ANKFN1: variants seen among roughly 807,000 people sequenced by gnomAD.
The protein encoded by ANKFN1 is ankyrin repeat and fibronectin type-III domain-containing protein 1.
In ANKFN1, 74 loss-of-function variants were observed where a neutral mutation model predicts 108.7. The observed-to-expected ratio is 0.68, with a 90% CI of 0.56 to 0.83. ANKFN1 has a LOEUF of 0.83. Ranked by LOEUF, ANKFN1 falls within the 40% of genes least tolerant of loss-of-function variation. The pLI, the probability that ANKFN1 is intolerant of heterozygous loss-of-function variation, is 0.00. For missense variants in ANKFN1, 1,505 were observed against 1,382.3 expected, an observed-to-expected ratio of 1.09 and a Z score of -1.41; for synonymous variants, 547 against 516.2, an observed-to-expected ratio of 1.06 and a Z score of -0.81.
chr17:56,047,999 CCT>C (rs1441426649), intron 4 of ANKFN1, among the ~76,000 whole-genome samples: 2 of 152,190 alleles, frequency 1.3e-5, no homozygotes, highest in East Asian at 3.8e-4. Context: ...CCCTTTAGCA[CCT>C]CTGATTTTTC....
intron 1 of ANKFN1, among the ~76,000 whole-genome samples, chr17:56,176,591 T>C (rs1911180221): frequency 6.6e-6 from 1 of 152,182 alleles, no homozygotes; most frequent in African/African-American, 2.4e-5. Flanking sequence ...TGATCCCTTA[T>C]TTCGAATATC....
intron 6 of ANKFN1, among the ~76,000 whole-genome samples, chr17:56,360,002 G>A (rs898734544): frequency 2.6e-5 from 4 of 152,128 alleles, no homozygotes; most frequent in Non-Finnish European, 5.9e-5. Context: ...CACCCTCTGT[G>A]TTCACCAGAC....
intron 3 of ANKFN1, among the ~76,000 whole-genome samples, chr17:56,299,586 T>C (rs2044615149): frequency 6.6e-6 from 1 of 152,198 alleles, no homozygotes; most frequent in Admixed American, 6.5e-5. Context: ...CAGGTGTCTC[T>C]AACATCAATC....
chr17:56,333,002 T>TATATATATA (rs2045707564), intron 4 of ANKFN1, among the ~76,000 whole-genome samples: 1 of 151,192 alleles, frequency 6.6e-6, no homozygotes, highest in African/African-American at 2.4e-5. Context: ...TATATATATC[T>TATATATATA]TCTTTAATTT....
intron 8 of ANKFN1, among the ~76,000 whole-genome samples, chr17:56,434,968 G>A (rs1034317829): frequency 6.6e-6 from 1 of 152,128 alleles, no homozygotes. Context: ...TGGTTCCATC[G>A]AAGAGCTGAT....
At chr17:56,400,220 C>T (rs1424543154) in intron 8 of ANKFN1, among the ~76,000 whole-genome samples, 2 of 151,978 alleles carry the variant, frequency 1.3e-5, no homozygotes, top group African/African-American at 4.8e-5. Context: ...GAAATGTTCC[C>T]TGATCACTGC....
intron 8 of ANKFN1, among the ~76,000 whole-genome samples, chr17:56,420,683 C>CTTTTTTTT (rs755355387): frequency 1.7e-5 from 2 of 119,596 alleles, no homozygotes; most frequent in Non-Finnish European, 1.8e-5. Context: ...CTGACTCCTT[C>CTTTTTTTT]TTTTTTTTTT....
intron 4 of ANKFN1, among the ~76,000 whole-genome samples, chr17:56,118,942 AG>A (rs1314448543): frequency 6.6e-6 from 1 of 152,178 alleles, no homozygotes; most frequent in Non-Finnish European, 1.5e-5. Context: ...ATGCACAAAA[AG>A]GTTTCCAGTT....
At chr17:56,437,976 GT>G (rs1377033002) in intron 8 of ANKFN1, among the ~76,000 whole-genome samples, 6 of 137,276 alleles carry the variant, frequency 4.4e-5, no homozygotes, top group East Asian at 1.9e-4. Context: ...TACTGTAGGT[GT>G]GTGTGTGTGT....
chr17:56,512,174 G>C lies in ANKFN1; in HGVS notation c.*905G>C, dbSNP rs145058653. Among the ~76,000 whole-genome samples the C allele has an allele frequency of 1.6e-3, 238 of 152,258 alleles. No individual in the cohort carries two copies. The highest frequency in any genetic ancestry group is 2.8e-3 in the Non-Finnish European group (193 of 68,012). ...AGTTAAGCAAAGTAAGTCCATGGGG[G>C]CTGTGTCTCTGAAAATCATAGTGGA... On this transcript the variant is annotated 3_prime_UTR_variant, in exon 21 of 21. Transcript: ENST00000682825.
intron 6 of ANKFN1, among the ~76,000 whole-genome samples, chr17:56,364,329 A>G (rs1455344776): frequency 6.6e-6 from 1 of 152,188 alleles, no homozygotes; most frequent in Admixed American, 6.5e-5. Flanking sequence ...AACATAAAAT[A>G]TAAAATTAAT....
intron 2 of ANKFN1, among the ~76,000 whole-genome samples, chr17:56,213,982 A>G (rs960690115): frequency 6.6e-6 from 1 of 152,220 alleles, no homozygotes; most frequent in African/African-American, 2.4e-5. Context: ...AGAGAGTAGT[A>G]TGGCAGAAAG....
intron 3 of ANKFN1, among the ~76,000 whole-genome samples, chr17:56,252,747 C>T (rs1045369244): frequency 6.7e-6 from 1 of 149,136 alleles, no homozygotes; most frequent in Admixed American, 6.7e-5. Context: ...AAAATACTTA[C>T]AGTATAATAA....
chr17:56,108,883 A>G (rs1362211145), intron 4 of ANKFN1, among the ~76,000 whole-genome samples: 4 of 152,270 alleles, frequency 2.6e-5, no homozygotes, highest in Non-Finnish European at 5.9e-5. Flanking sequence ...AACAGGTATC[A>G]GATAAATAGG....
upstream of ANKFN1, among the ~76,000 whole-genome samples, chr17:56,150,517 A>G (rs939158709): frequency 1.3e-5 from 2 of 152,122 alleles, no homozygotes; most frequent in African/African-American, 4.8e-5. Context: ...TTGAGATCCC[A>G]ATGTGTGGTA....
chr17:56,054,084 G>T (rs1904824533), intron 4 of ANKFN1, among the ~76,000 whole-genome samples: 1 of 152,100 alleles, frequency 6.6e-6, no homozygotes, highest in African/African-American at 2.4e-5. Flanking sequence ...ATGTTGGCTT[G>T]GATGTGGGGA....
chr17:56,334,221 A>C (rs1424439059), intron 4 of ANKFN1, among the ~76,000 whole-genome samples: 1 of 152,058 alleles, frequency 6.6e-6, no homozygotes, highest in Non-Finnish European at 1.5e-5. Context: ...AAGTGTGCAT[A>C]CTGAATATTC....
At chr17:56,224,822 A>G (rs1916140618) in intron 2 of ANKFN1, 1 of 152,302 alleles carries the variant, frequency 6.6e-6, no homozygotes, top group South Asian at 2.1e-4. Flanking sequence ...GGATTCCAGC[A>G]AAGAGACCAA....
At chr17:56,407,685 A>G (rs983266881) in intron 8 of ANKFN1, among the ~76,000 whole-genome samples, 3 of 152,180 alleles carry the variant, frequency 2.0e-5, no homozygotes, top group Non-Finnish European at 4.4e-5. Context: ...AGGACTAAAA[A>G]TCAAATAGAA....
Sources: allele counts gnomAD v4.1 joint callset (sites outside exome capture counted in the v4.1 genomes callset), GRCh38; gene constraint gnomAD v4.1.1; transcripts MANE v1.5; gene names NCBI Gene and HGNC (gene_info 2026-07-23, HGNC 2026-07-21).